CAMTA1: variants seen among roughly 807,000 people sequenced by gnomAD.
CAMTA1 encodes the protein calmodulin-binding transcription activator 1.
In CAMTA1, 27 loss-of-function variants were observed where a neutral mutation model predicts 170.9. The ratio of observed to expected loss-of-function variants is 0.16; its 90% CI spans 0.12 to 0.22. The LOEUF (loss-of-function observed/expected upper bound fraction) is 0.22, where lower values mean the gene tolerates loss of function less well. Ranked by LOEUF, CAMTA1 falls within the 10% of genes least tolerant of loss-of-function variation. The pLI, the probability that CAMTA1 is intolerant of heterozygous loss-of-function variation, is 1.00. For synonymous variants in CAMTA1, 833 were observed against 891.5 expected (o/e 0.93, Z 1.17); for missense variants, 1,619 against 2,217.2 (o/e 0.73, Z 5.42).
At chr1:7,470,059 T>G (rs1356373643) in intron 6 of CAMTA1, among the ~76,000 whole-genome samples, 1 of 152,220 alleles carries the variant, frequency 6.6e-6, no homozygotes, top group Non-Finnish European at 1.5e-5. Context: ...GGACCAGGCT[T>G]CTTCATGGCC....
intron 6 of CAMTA1, among the ~76,000 whole-genome samples, chr1:7,477,736 C>T (rs1256920079): frequency 6.6e-6 from 1 of 152,224 alleles, no homozygotes; most frequent in African/African-American, 2.4e-5. Flanking sequence ...TCGGCTTTCT[C>T]AGAGGGTCCC....
chr1:7,410,547 T>C (rs2090638831), intron 5 of CAMTA1, among the ~76,000 whole-genome samples: 1 of 152,044 alleles, frequency 6.6e-6, no homozygotes, highest in South Asian at 2.1e-4. Flanking sequence ...AATAACTCTT[T>C]GCAAAAAAGG....
intron 3 of CAMTA1, among the ~76,000 whole-genome samples, chr1:6,941,205 T>G (rs1434795361): frequency 6.6e-6 from 1 of 152,096 alleles, no homozygotes; most frequent in Non-Finnish European, 1.5e-5. Context: ...AATAGCTGCA[T>G]GTAGAGTTCC....
At position 7,333,895 on chromosome 1, in the gene CAMTA1, C is replaced by A. The variant is rs1449523458; in HGVS notation, c.438+84269C>A. 1.3e-5 allele frequency among the ~76,000 whole-genome samples: 2 copies of A among 152,084 alleles called. No individual in the cohort carries two copies. Among genetic ancestry groups the A allele is most frequent in the South Asian group, 4.1e-4 (2 of 4,834 alleles). ...TGGAGGAATTTTTTTTTATTACTTA[C>A]ATTTATCAAGGAAAGAGGTGGGGTT... On this transcript the variant is annotated intron_variant, in intron 5 of 22. Transcript: ENST00000303635. This position sits in a 1 kb window ranked among gnomAD's most constrained non-coding sequence, Gnocchi z 4.4.
At chr1:7,239,635 ATTTTTTTTTTTTTTTT>A (rs34166595) in intron 4 of CAMTA1, among the ~76,000 whole-genome samples, 2 of 103,978 alleles carry the variant, frequency 1.9e-5, no homozygotes, top group African/African-American at 3.9e-5. Context: ...TTCAAGGTCA[ATTTTTTTTTTTTTTTT>A]TTTTTTTTTG....
intron 6 of CAMTA1, among the ~76,000 whole-genome samples, chr1:7,472,862 C>T (rs1056672772): frequency 2.6e-5 from 4 of 152,154 alleles, no homozygotes; most frequent in Non-Finnish European, 4.4e-5. Flanking sequence ...GGACTCGGGG[C>T]GGGGACAATG....
intron 3 of CAMTA1, among the ~76,000 whole-genome samples, chr1:6,897,342 C>A (rs1355759695): frequency 6.6e-6 from 1 of 152,166 alleles, no homozygotes; most frequent in Non-Finnish European, 1.5e-5. Context: ...CCCATGGTGA[C>A]AAGCTGCTGA....
intron 5 of CAMTA1, among the ~76,000 whole-genome samples, chr1:7,399,845 G>A (rs2089751238): frequency 6.6e-6 from 1 of 152,196 alleles, no homozygotes; most frequent in Non-Finnish European, 1.5e-5. Flanking sequence ...TCTGCTGATA[G>A]TTTAATGGGG....
chr1:7,658,697 G>C (rs1027713854), intron 7 of CAMTA1, among the ~76,000 whole-genome samples: 2 of 152,222 alleles, frequency 1.3e-5, no homozygotes, highest in Non-Finnish European at 2.9e-5. Context: ...CCCTCATCTT[G>C]CCTCCACCAG....
Position 7,499,076 on chromosome 1 carries a change from AGTGT to A in CAMTA1, c.510+31183_510+31186del, listed in dbSNP as rs751337924. Among the ~76,000 whole-genome samples the A allele has an allele frequency of 7.1e-4, 43 of 60,774 alleles. 2 individuals carry two copies. Among genetic ancestry groups the A allele is most frequent in the African/African-American group, 2.7e-3 (40 of 14,630 alleles). The allele number at this position is 60,774 out of a possible 152,430, so 39.9% of individuals were successfully genotyped here. ...CCTGGTGTGCGTGTGTATGTATATG[AGTGT>A]GTGTGTGCATGTGTGTCCATGAGTG... On this transcript the variant is annotated intron_variant, in intron 6 of 22. Coordinates refer to ENST00000303635, the MANE Select transcript of CAMTA1 (RefSeq NM_015215.4).
intron 5 of CAMTA1, among the ~76,000 whole-genome samples, chr1:7,281,962 C>T (rs898466342): frequency 3.3e-5 from 5 of 152,110 alleles, no homozygotes; most frequent in Non-Finnish European, 7.3e-5. Context: ...CTCGGCCACC[C>T]AGGGCCAGGG....
In CAMTA1 at chr1:6,944,777, T is replaced by C. The variant is rs12133559; in HGVS notation, c.234+119567T>C. 2.2e-3 allele frequency among the ~76,000 whole-genome samples: 338 copies of C among 152,320 alleles called. 1 individual carries two copies. Among genetic ancestry groups the C allele is most frequent in the African/African-American group, 7.9e-3 (327 of 41,580 alleles). On this transcript the variant is annotated intron_variant, in intron 3 of 22. Transcript: ENST00000303635. The stretch of plus-strand genomic sequence containing the variant: ...TTGCCGTGGTTCGTTTTGCAGTTTT[T>C]CCACTGTACCAATGGTGAAAGTGAT...
At chr1:7,683,144 C>T (rs1181041645) in intron 11 of CAMTA1, among the ~76,000 whole-genome samples, 1 of 147,032 alleles carries the variant, frequency 6.8e-6, no homozygotes, top group African/African-American at 2.6e-5. Context: ...CACTGCACTC[C>T]AGCCTCCAGC....
chr1:6,856,720 A>G (rs1380623560), intron 3 of CAMTA1, among the ~76,000 whole-genome samples: 1 of 152,224 alleles, frequency 6.6e-6, no homozygotes, highest in Non-Finnish European at 1.5e-5. Flanking sequence ...GGCTGCTACA[A>G]GAGAGGACAA....
rs567187024 is a variant in CAMTA1, at chr1:7,336,774, C to A, written c.438+87148C>A. 1.1e-4 allele frequency among the ~76,000 whole-genome samples: 16 copies of A among 152,292 alleles called. 1 individual carries two copies. The South Asian group carries it at 3.3e-3, about 32-fold the overall frequency. ...CCGAGGTGGGCAGGGGGCTGGGAAC[C>A]TCCCCTGCAGAGCTAACCACTGGGC... On this transcript the variant is annotated intron_variant, in intron 5 of 22. Coordinates refer to ENST00000303635, the MANE Select transcript of CAMTA1 (RefSeq NM_015215.4).
rs960378086 is a variant in CAMTA1, at chr1:7,455,249, C to T, written c.439-12581C>T. Among the ~76,000 whole-genome samples, 43 of 152,310 alleles carry T rather than the reference C, an allele frequency of 2.8e-4. 2 individuals carry two copies. The highest frequency in any genetic ancestry group is 2.5e-3 in the Admixed American group (38 of 15,302). ...CGGCATGGTTCTGCGTGTGTGTTTC[C>T]GACACTGGCTCCCAGGTGGAAGGCC... On this transcript the variant is annotated intron_variant, in intron 5 of 22. Coordinates refer to ENST00000303635, the MANE Select transcript of CAMTA1 (RefSeq NM_015215.4). The surrounding 1 kb of genome is among the most constrained non-coding windows in gnomAD (Gnocchi z 5.0).
intron 6 of CAMTA1, among the ~76,000 whole-genome samples, chr1:7,616,744 GC>G (rs57118204): frequency 0.018 from 2,682 of 152,222 alleles, 77 homozygotes; most frequent in African/African-American, 0.061. Context: ...GAGAGACGGG[GC>G]CCCCCCACCA....
rs544129925 is a variant in CAMTA1, at chr1:7,064,756, A to T, written c.235-26548A>T. ...GGTACTGGAGGGTGGGGGAGGTGGC[A>T]GGAGTCCCATTCGGGGCATGGTGGG... On this transcript the variant is annotated intron_variant, in intron 3 of 22. Coordinates refer to ENST00000303635, the MANE Select transcript of CAMTA1 (RefSeq NM_015215.4). The surrounding 1 kb of genome is among the most constrained non-coding windows in gnomAD (Gnocchi z 5.4). Among the ~76,000 whole-genome samples the T allele has an allele frequency of 3.9e-5, 6 of 152,030 alleles. No individual in the cohort carries two copies. The South Asian group carries it at 1.3e-3, about 32-fold the overall frequency.
chr1:7,258,566 A>G (rs1308854955), intron 5 of CAMTA1, among the ~76,000 whole-genome samples: 5 of 152,200 alleles, frequency 3.3e-5, no homozygotes, highest in African/African-American at 1.2e-4. Context: ...CACAACCTGG[A>G]TGTTTGCAAG....
Sources: gnomAD v4.1 joint callset for allele counts (sites outside exome capture counted in the v4.1 genomes callset) on GRCh38, gnomAD v4.1.1 for gene constraint, Gnocchi (gnomAD v3.1) non-coding constraint, MANE v1.5 for transcripts, NCBI Gene and HGNC (gene_info 2026-07-23, HGNC 2026-07-21) for gene names.